The following DMRT1 variants were observed in gnomAD, a reference collection of about 807,000 sequenced individuals.
DMRT1 encodes doublesex- and mab-3-related transcription factor 1.
Under a neutral mutation model 32.3 loss-of-function variants are expected in DMRT1, and 7 were observed. That is an observed-to-expected ratio of 0.22 (90% CI 0.12 to 0.41). The LOEUF is 0.41. Ranked by LOEUF, DMRT1 falls within the 10% of genes least tolerant of loss-of-function variation. The pLI is 1.00. For synonymous variants in DMRT1, 278 were observed against 206.1 expected, an observed-to-expected ratio of 1.35 and a Z score of -2.99; for missense variants, 625 against 500.5, an observed-to-expected ratio of 1.25 and a Z score of -2.37.
chr9:844,505 T>A (rs748583219), intron 1 of DMRT1, among the ~76,000 whole-genome samples: 4 of 142,772 alleles, frequency 2.8e-5, no homozygotes, highest in Non-Finnish European at 5.9e-5. Flanking sequence ...ATTGATGTTC[T>A]CTTTCTAAGC....
intron 2 of DMRT1, among the ~76,000 whole-genome samples, chr9:888,700 T>C (rs1186458888): frequency 2.1e-5 from 3 of 141,748 alleles, no homozygotes; most frequent in Admixed American, 6.9e-5. Flanking sequence ...TGTGGAGCAG[T>C]TGTTAATAGT....
At chr9:871,197 G>A (rs969968788) in intron 2 of DMRT1, among the ~76,000 whole-genome samples, 19 of 150,968 alleles carry the variant, frequency 1.3e-4, no homozygotes, top group African/African-American at 4.6e-4. Context: ...CACCATGCCC[G>A]GCTAATTTTT....
rs571939453 is a variant in DMRT1 at position 945,725 on chromosome 9, A to G, written c.968-22260A>G. Among the ~76,000 whole-genome samples the G allele has an allele frequency of 2.7e-5, 4 of 147,166 alleles. No homozygotes were observed. In the East Asian group the frequency reaches 7.9e-4, roughly 29 times the overall value. On this transcript the variant is annotated intron_variant, in intron 4 of 4. Coordinates refer to ENST00000382276, the MANE Select transcript of DMRT1 (RefSeq NM_021951.3). Reference sequence around the variant, plus strand: ...GTAGTTCCTGATGAGTTGCTTTTTTAAAAAAAAATACACACTTTTTTTTTT... The same window carrying G: ...GTAGTTCCTGATGAGTTGCTTTTTTGAAAAAAAATACACACTTTTTTTTTT...
In DMRT1 at chr9:966,089, T is replaced by C. The variant is rs146624886; in HGVS notation, c.968-1896T>C. On this transcript the variant is annotated intron_variant, in intron 4 of 4. Transcript: ENST00000382276. ...TCCAGATCTGTATAGTAACAAGATC[T>C]CAAAGCAGTCTGCTGCCTTTGGAAA... Among the ~76,000 whole-genome samples, 673 of 152,310 alleles carry C rather than the reference T, an allele frequency of 4.4e-3. 4 individuals carry two copies. Among genetic ancestry groups the C allele is most frequent in the Non-Finnish European group, 5.6e-3 (382 of 68,034 alleles).
At chr9:925,463 C>T (rs61245982) in intron 4 of DMRT1, among the ~76,000 whole-genome samples, 5,352 of 152,202 alleles carry the variant, frequency 0.035, 246 homozygotes, top group African/African-American at 0.11. Flanking sequence ...GCAGCCCTGC[C>T]GGAGGGTCAG....
Position 906,625 on chromosome 9 carries a change from C to A in DMRT1, c.823-10138C>A, listed in dbSNP as rs545929403. Among the ~76,000 whole-genome samples, 96 of 152,242 alleles carry A rather than the reference C, an allele frequency of 6.3e-4. No homozygotes were observed. The South Asian group carries it at 0.019, about 31-fold the overall frequency. ...ATCAAGGTGGGAACAGATATGGATG[C>A]CTCTGATGTTTCTGGTTCTGAAATC... On this transcript the variant is annotated intron_variant, in intron 3 of 4. Coordinates refer to ENST00000382276, the MANE Select transcript of DMRT1 (RefSeq NM_021951.3).
At chr9:940,247 C>G (rs897501337) in intron 4 of DMRT1, among the ~76,000 whole-genome samples, 27 of 152,138 alleles carry the variant, frequency 1.8e-4, no homozygotes, top group African/African-American at 6.5e-4. Flanking sequence ...GGTACTCACA[C>G]AGATACTTGT....
chr9:859,907 G>C (rs7029460), intron 2 of DMRT1, among the ~76,000 whole-genome samples: 1 of 151,810 alleles, frequency 6.6e-6, no homozygotes, highest in African/African-American at 2.4e-5. Context: ...TTGCCATTCA[G>C]CATATAGTAA....
intron 4 of DMRT1, among the ~76,000 whole-genome samples, chr9:918,414 A>G (rs1274537832): frequency 1.3e-5 from 2 of 152,252 alleles, no homozygotes; most frequent in African/African-American, 2.4e-5. Context: ...AGACAAAAAT[A>G]TAAGAGGCAA....
chr9:955,526 G>A (rs866383158), intron 4 of DMRT1, among the ~76,000 whole-genome samples: 5 of 152,096 alleles, frequency 3.3e-5, no homozygotes, highest in Non-Finnish European at 5.9e-5. Context: ...GCAACATGGC[G>A]AAACCCTGCC....
intron 2 of DMRT1, among the ~76,000 whole-genome samples, chr9:873,119 C>T (rs1021487295): frequency 2.4e-4 from 37 of 152,294 alleles, no homozygotes; most frequent in African/African-American, 8.4e-4. Flanking sequence ...CTAGTGAGCA[C>T]GAAGTGGTAT....
rs563195205 is a variant in DMRT1 at position 912,609 on chromosome 9, GTTCATC to G, written c.823-4145_823-4140del. On this transcript the variant is annotated intron_variant, in intron 3 of 4. Transcript: ENST00000382276. ...GTTAGTTAAAAAAAAGAATTTTACT[GTTCATC>G]TTCATCTTTTTGTCAAATAATACAT... is the stretch of plus-strand genomic sequence containing the variant. Among the ~76,000 whole-genome samples the G allele has an allele frequency of 2.5e-3, 387 of 152,284 alleles. 3 individuals carry two copies. Among genetic ancestry groups the G allele is most frequent in the African/African-American group, 9.0e-3 (373 of 41,558 alleles).
intron 2 of DMRT1, among the ~76,000 whole-genome samples, chr9:864,623 T>C (rs1485441259): frequency 6.6e-6 from 1 of 151,938 alleles, no homozygotes; most frequent in Non-Finnish European, 1.5e-5. Flanking sequence ...CTCAGCCTCC[T>C]GAGCAGCTGG....
intron 2 of DMRT1, among the ~76,000 whole-genome samples, chr9:871,947 C>G (rs1471442914): frequency 6.6e-6 from 1 of 151,476 alleles, no homozygotes; most frequent in Non-Finnish European, 1.5e-5. Context: ...CTTCATCTCT[C>G]TATATACCTA....
At position 940,380 on chromosome 9, in the gene DMRT1, A is replaced by T. The variant is rs1586644658; in HGVS notation, c.967+23473A>T. Reference sequence around the variant, plus strand: ...CAGACATAGAGACCAATAGACTAGGATAGAAAGCCCAGAAATAACTCCCAC... The same window carrying T: ...CAGACATAGAGACCAATAGACTAGGTTAGAAAGCCCAGAAATAACTCCCAC... On this transcript the variant is annotated intron_variant, in intron 4 of 4. Coordinates refer to ENST00000382276, the MANE Select transcript of DMRT1 (RefSeq NM_021951.3). 2.0e-5 allele frequency among the ~76,000 whole-genome samples: 3 copies of T among 152,332 alleles called. No homozygotes were observed. The East Asian group carries it at 5.8e-4, about 29-fold the overall frequency.
At chr9:872,169 C>T (rs541864273) in intron 2 of DMRT1, among the ~76,000 whole-genome samples, 1 of 151,334 alleles carries the variant, frequency 6.6e-6, no homozygotes, top group East Asian at 1.9e-4. Context: ...TCAAGGGATT[C>T]TCCTGCCTGA....
intron 2 of DMRT1, among the ~76,000 whole-genome samples, chr9:869,944 C>T (rs1192081142): frequency 6.6e-6 from 1 of 151,920 alleles, no homozygotes; most frequent in Non-Finnish European, 1.5e-5. Context: ...ACCTGAAGAC[C>T]CCTGCGCGTG....
intron 3 of DMRT1, among the ~76,000 whole-genome samples, chr9:896,319 C>T (rs1236159157): frequency 7.6e-6 from 1 of 131,992 alleles, no homozygotes; most frequent in Non-Finnish European, 1.6e-5. Flanking sequence ...GACAGAGTCT[C>T]ACTCTGTCGC....
In DMRT1 at chr9:861,690, G is replaced by GC. The variant is rs768425388; in HGVS notation, c.538+14553dup. 6.3e-4 allele frequency among the ~76,000 whole-genome samples: 95 copies of GC among 151,224 alleles called. 1 individual carries two copies. The highest frequency in any genetic ancestry group is 3.5e-3 in the Middle Eastern group (1 of 288). ...CCAGACGGGGAAGCCGGGCAGAGGG[G>GC]CCCCCCACCTCCCAGACGGGGCGGC... On this transcript the variant is annotated intron_variant, in intron 2 of 4. Coordinates refer to ENST00000382276, the MANE Select transcript of DMRT1 (RefSeq NM_021951.3).
Sources: allele counts gnomAD v4.1 joint callset (sites outside exome capture counted in the v4.1 genomes callset), GRCh38; gene constraint gnomAD v4.1.1; transcripts MANE v1.5; gene names NCBI Gene and HGNC (gene_info 2026-07-23, HGNC 2026-07-21).